Variants in HOOK3 observed in about 807,000 individuals in gnomAD.
HOOK3 encodes the protein hook microtubule tethering protein 3, also known as protein Hook homolog 3.
In HOOK3, 24 loss-of-function variants were observed where a neutral mutation model predicts 116.3. The ratio of observed to expected loss-of-function variants is 0.21; its 90% CI spans 0.15 to 0.29. HOOK3 has a LOEUF of 0.29. HOOK3 is among the 10% of genes least tolerant of loss of function. The pLI, the probability that HOOK3 is intolerant of heterozygous loss-of-function variation, is 1.00. For synonymous variants in HOOK3, 275 were observed against 283.0 expected, an observed-to-expected ratio of 0.97 and a Z score of 0.28; for missense variants, 632 against 830.2, an observed-to-expected ratio of 0.76 and a Z score of 2.93.
rs766633886 is a variant in HOOK3 at position 43,023,205 on chromosome 8, CAAAAAAAAAA to C, written c.*4721_*4730del. 4.0e-4 allele frequency: 28 copies of C among 70,504 alleles called. No homozygotes were observed. The South Asian group carries it at 0.013, about 33-fold the overall frequency. 4.4% of individuals were successfully genotyped at this position (70,504 alleles called of 1,614,324 possible). ...TGGGCCACAGAGTGAGACTCCATCT[CAAAAAAAAAA>C]AAAAAAAAAAAAAGAAACATCAGCC... is the stretch of plus-strand genomic sequence containing the variant. On this transcript the variant is annotated 3_prime_UTR_variant, in exon 22 of 22. Transcript: ENST00000307602.
intron 2 of HOOK3, among the ~76,000 whole-genome samples, chr8:42,923,409 T>C (rs1248958068): frequency 6.6e-6 from 1 of 152,166 alleles, no homozygotes; most frequent in Non-Finnish European, 1.5e-5. Context: ...AAAGTGGAAA[T>C]AGCCCAAGTT....
chr8:43,013,211 A>G (rs901101239), intron 20 of HOOK3, 56 bp downstream of exon 20: 70 of 1,446,386 alleles, frequency 4.8e-5, no homozygotes, highest in Non-Finnish European at 6.4e-5. Flanking sequence ...ATGTTTTGGG[A>G]GCCTTGTTAT....
intron 7 of HOOK3, among the ~76,000 whole-genome samples, chr8:42,957,655 A>T (rs1808460310): frequency 6.6e-6 from 1 of 152,062 alleles, no homozygotes; most frequent in Non-Finnish European, 1.5e-5. Context: ...AAAGATACTT[A>T]CCTTTTATTT....
At chr8:42,996,880 G>T (rs550548339) in intron 15 of HOOK3, among the ~76,000 whole-genome samples, 1 of 145,056 alleles carries the variant, frequency 6.9e-6, no homozygotes, top group African/African-American at 2.5e-5. Context: ...CTTTAATTCC[G>T]TGAGGGCAGG....
Position 42,995,732 on chromosome 8 carries a change from A to G in HOOK3, c.1533-1818A>G, listed in dbSNP as rs78447984. Among the ~76,000 whole-genome samples the G allele has an allele frequency of 3.9e-3, 591 of 152,234 alleles. 3 individuals are homozygous for G. The highest frequency in any genetic ancestry group is 0.014 in the African/African-American group (578 of 41,528). ...TCAACAAATGTAAAATCAGATTCCTATATTTCTTTCTTATCCTATTCCTTT... is the reference window on the plus strand; with the variant it reads ...TCAACAAATGTAAAATCAGATTCCTGTATTTCTTTCTTATCCTATTCCTTT... On this transcript the variant is annotated intron_variant, in intron 15 of 21. Transcript: ENST00000307602.
rs767246904 is a variant in HOOK3 at position 42,943,436 on chromosome 8, C to G, written c.391C>G (p.Gln131Glu). The G allele has an allele frequency of 2.1e-6, 3 of 1,459,432 alleles. No individual in the cohort carries two copies. The allele number at this position is 1,459,432 out of a possible 1,614,324, so 90.4% of individuals were successfully genotyped here. A position where few individuals can be genotyped will look rare whatever the true frequency, so the allele number is the denominator to read the frequency against. ...CTTAGGCTGTGCTGTGAACTGTGAA[C>G]AGAAGCAAGGTAATTTGTTTCAAGT... Reference protein sequence around the residue: ...LILGCAVNCEQKQEYIQAIMM... With the variant: ...LILGCAVNCEEKQEYIQAIMM... Residue 131 changes from glutamine (Q) to glutamate (E), a missense_variant, in exon 5 of 22, where the codon CAG (glutamine) becomes GAG (glutamate). By Grantham distance (29) the Gln-to-Glu change is conservative. This residue lies in a region of HOOK3 where 141 missense variants were observed against 150.8 expected (regional missense o/e 0.93). Coordinates refer to ENST00000307602, the MANE Select transcript of HOOK3 (RefSeq NM_032410.4).
At chr8:42,903,947 C>T (rs1326809298) in intron 1 of HOOK3, among the ~76,000 whole-genome samples, 2 of 151,920 alleles carry the variant, frequency 1.3e-5, no homozygotes, top group Non-Finnish European at 2.9e-5. Context: ...CAGAGTGAGA[C>T]TCCGTCTGAA....
intron 15 of HOOK3, among the ~76,000 whole-genome samples, chr8:42,995,310 A>G (rs1180600223): frequency 1.3e-5 from 2 of 152,200 alleles, no homozygotes; most frequent in East Asian, 3.8e-4. Context: ...TCACGAAAGT[A>G]TTTCTTACTA....
chr8:43,012,331 AATAGT>A (rs1415513923), intron 19 of HOOK3, among the ~76,000 whole-genome samples: 2 of 152,248 alleles, frequency 1.3e-5, no homozygotes, highest in Non-Finnish European at 2.9e-5. Flanking sequence ...TACTGTACTG[AATAGT>A]ATAAGGAAAT....
At chr8:42,974,876 G>A (rs1158693207) in intron 13 of HOOK3, among the ~76,000 whole-genome samples, 1 of 152,166 alleles carries the variant, frequency 6.6e-6, no homozygotes, top group Non-Finnish European at 1.5e-5. Flanking sequence ...TGACCTCTAA[G>A]CCGTGGGTAA....
intron 6 of HOOK3, among the ~76,000 whole-genome samples, chr8:42,954,562 G>A (rs937442329): frequency 2.6e-5 from 4 of 152,218 alleles, no homozygotes; most frequent in African/African-American, 9.6e-5. Flanking sequence ...AATTTTAAAT[G>A]TCAAATGACC....
chr8:42,961,783 T>A (rs529533197), intron 8 of HOOK3, among the ~76,000 whole-genome samples: 7 of 152,234 alleles, frequency 4.6e-5, no homozygotes, highest in African/African-American at 1.7e-4. Flanking sequence ...AATAATCATG[T>A]TTATGTTTTG....
At chr8:42,905,331 G>A (rs540941957) in intron 1 of HOOK3, among the ~76,000 whole-genome samples, 10 of 146,546 alleles carry the variant, frequency 6.8e-5, no homozygotes, top group African/African-American at 2.3e-4. Flanking sequence ...TTTTTGGGGG[G>A]GGGGGTGCCG....
chr8:42,902,491 C>T (rs925033585), intron 1 of HOOK3, among the ~76,000 whole-genome samples: 1 of 152,038 alleles, frequency 6.6e-6, no homozygotes, highest in Admixed American at 6.6e-5. Flanking sequence ...AGCATGGTCT[C>T]GAATTCCTGG....
chr8:42,925,672 G>A, intron 3 of HOOK3, 43 bp downstream of exon 3: 2 of 1,310,628 alleles, frequency 1.5e-6, no homozygotes, highest in Middle Eastern at 2.0e-4. Context: ...ATATTTGTAT[G>A]TGTATAATAT....
intron 15 of HOOK3, among the ~76,000 whole-genome samples, chr8:42,993,634 C>A (rs924571758): frequency 4.6e-5 from 7 of 152,106 alleles, no homozygotes; most frequent in Admixed American, 4.6e-4. Flanking sequence ...GTCATCGGAT[C>A]TGGGGCCTTT....
At chr8:42,899,582 C>T (rs1667019332) in intron 1 of HOOK3, among the ~76,000 whole-genome samples, 1 of 152,150 alleles carries the variant, frequency 6.6e-6, no homozygotes, top group Non-Finnish European at 1.5e-5. Context: ...ATCTGTAAGC[C>T]AGATTAATGC....
At chr8:42,980,481 C>G (rs1422151746) in intron 13 of HOOK3, among the ~76,000 whole-genome samples, 2 of 152,076 alleles carry the variant, frequency 1.3e-5, no homozygotes, top group Admixed American at 6.5e-5. Context: ...GAGGTGAGGC[C>G]TTCAAGAGGT....
At chr8:43,001,450 T>C (rs1186549366) in intron 16 of HOOK3, among the ~76,000 whole-genome samples, 2 of 152,160 alleles carry the variant, frequency 1.3e-5, no homozygotes, top group Non-Finnish European at 2.9e-5. Context: ...TAATAGTATA[T>C]ACTGTATAAG....
Sources: gnomAD v4.1 joint callset for allele counts (sites outside exome capture counted in the v4.1 genomes callset) on GRCh38, gnomAD v4.1.1 for gene constraint, gnomAD v4.1.1 regional missense constraint, MANE v1.5 for transcripts, NCBI Gene and HGNC (gene_info 2026-07-23, HGNC 2026-07-21) for gene names.